The following EIF4A3 variants were observed in gnomAD, a reference collection of about 807,000 sequenced individuals.
EIF4A3 encodes the protein eukaryotic initiation factor 4A-III.
A neutral mutation model predicts 55.6 loss-of-function variants in EIF4A3; 1 was observed. The observed-to-expected ratio is 0.02, with a 90% confidence interval of 0.01 to 0.09. The LOEUF (loss-of-function observed/expected upper bound fraction) is 0.09. EIF4A3 is among the 10% of genes least tolerant of loss of function. The pLI, the probability that EIF4A3 is intolerant of heterozygous loss-of-function variation, is 1.00. For missense variants in EIF4A3, 221 were observed against 540.7 expected, an observed-to-expected ratio of 0.41 and a Z score of 5.86; for synonymous variants, 194 against 196.3, an observed-to-expected ratio of 0.99 and a Z score of 0.10.
At chr17:80,144,758 G>C (rs529331582) in intron 1 of EIF4A3, among the ~76,000 whole-genome samples, 1 of 152,280 alleles carries the variant, frequency 6.6e-6, no homozygotes, top group African/African-American at 2.4e-5. Context: ...GTTGCTGACA[G>C]GTCTACAACT....
rs1428547349 is a variant in EIF4A3 at position 80,141,671 on chromosome 17, AAT to A, written c.309+109_309+110del. ...ACTCTGTGTAAAAATTTGCTGAGTC[AAT>A]ACATACTAGAAAATTTTAAATTGTA... On this transcript the variant is annotated intron_variant, in intron 3 of 11. Coordinates refer to ENST00000649764, the MANE Select transcript of EIF4A3 (RefSeq NM_014740.4). 4.5e-6 allele frequency: 5 copies of A among 1,110,908 alleles called. No homozygotes were observed. In the Admixed American group the frequency reaches 6.6e-5, roughly 15 times the overall value. 68.8% of individuals were successfully genotyped at this position (1,110,908 alleles called of 1,614,324 possible).
chr17:80,144,320 C>T (rs1377713147), intron 1 of EIF4A3, 76 bp from the exon 2 acceptor site: 1 of 1,409,810 alleles, frequency 7.1e-7, no homozygotes. Flanking sequence ...TCCTCAGGGG[C>T]AGACATGGTT....
At chr17:80,139,375 G>T in intron 6 of EIF4A3, 1 of 680,330 alleles carries the variant, frequency 1.5e-6, no homozygotes, top group Non-Finnish European at 2.4e-6. Flanking sequence ...AGGGAATCTG[G>T]TTTCCCTTTG....
intron 6 of EIF4A3, 139 bp from the exon 7 acceptor site, chr17:80,139,301 AC>A: frequency 1.8e-6 from 2 of 1,140,808 alleles, no homozygotes; most frequent in Non-Finnish European, 2.4e-6. Context: ...TTTTTACAGC[AC>A]CAGGCCACAT....
In EIF4A3 at chr17:80,138,235, C is replaced by T. The variant is rs368423482; in HGVS notation, c.774G>A (p.Val258=). The part of the protein sequence containing the change: ...LEGIKQFFVA[V]EREEWKFDTL... ...TGTCAAATTTCCACTCTTCCCTCTC[C>T]ACTGCCACGAAAAATTGCTTGATGC... The change falls in exon 8 of 12, where the codon GTG becomes GTA. Residue 258 remains valine, a synonymous_variant. Transcript: ENST00000649764. 4 of 1,613,938 alleles carry T rather than the reference C, an allele frequency of 2.5e-6. No individual in the cohort carries two copies. Among genetic ancestry groups the T allele is most frequent in the African/African-American group, 1.3e-5 (1 of 74,920 alleles).
In EIF4A3 at chr17:80,140,046, C is replaced by G; in HGVS notation, c.467G>C (p.Gly156Ala). The change falls in exon 5 of 12, where the codon GGA becomes GCA. Residue 156 changes from glycine to alanine, a missense_variant. Coordinates refer to ENST00000649764, the MANE Select transcript of EIF4A3 (RefSeq NM_014740.4). ...VGEDIRKLDY[G>A]QHVVAGTPGR... ...TGGAGTGCCCGCGACAACATGCTGTCCGTAATCCAGCTTCCTGATGTCCTC... is the reference window on the plus strand; with the variant it reads ...TGGAGTGCCCGCGACAACATGCTGTGCGTAATCCAGCTTCCTGATGTCCTC... 1.2e-6 allele frequency: 2 copies of G among 1,614,072 alleles called. No homozygotes were observed. The highest frequency in any genetic ancestry group is 1.7e-6 in the Non-Finnish European group (2 of 1,180,014).
At chr17:80,138,936 T>A in intron 7 of EIF4A3, 85 bp downstream of exon 7, 2 of 1,556,312 alleles carry the variant, frequency 1.3e-6, no homozygotes, top group Non-Finnish European at 8.7e-7. Context: ...AGACTCTGGC[T>A]ATAAAAAGTT....
intron 7 of EIF4A3, 23 bp from the exon 8 acceptor site, chr17:80,138,303 G>C: frequency 6.2e-7 from 1 of 1,612,470 alleles, no homozygotes. Flanking sequence ...GACAAATCCT[G>C]TTACATACTC....
In EIF4A3 at chr17:80,134,853, G is replaced by C. The variant is rs1414086492; in HGVS notation, c.*637C>G. Reference sequence around the variant, plus strand: ...AAACTCTTTCCAAAAAAAAAGATTAGAAAAGTGAGTGAAATGGGCCGGGTG... The same window carrying C: ...AAACTCTTTCCAAAAAAAAAGATTACAAAAGTGAGTGAAATGGGCCGGGTG... On this transcript the variant is annotated 3_prime_UTR_variant, in exon 12 of 12. Coordinates refer to ENST00000649764, the MANE Select transcript of EIF4A3 (RefSeq NM_014740.4). Among the ~76,000 whole-genome samples, 1 of 152,028 alleles carries C rather than the reference G, an allele frequency of 6.6e-6. No individual in the cohort carries two copies. Among genetic ancestry groups the C allele is most frequent in the East Asian group, 1.9e-4 (1 of 5,168 alleles).
At position 80,139,763 on chromosome 17, in the gene EIF4A3, A is replaced by AT; in HGVS notation, c.506-14dup. ...CGACGAATCATATCTATAACATGAGATTTTGAAATACTTACGACAAATCAC... is the reference window on the plus strand; with the variant it reads ...CGACGAATCATATCTATAACATGAGATTTTTGAAATACTTACGACAAATCAC... On this transcript the variant is annotated splice_polypyrimidine_tract_variant and intron_variant, in intron 5 of 11. Transcript: ENST00000649764. 1 of 1,610,138 alleles carries AT rather than the reference A, an allele frequency of 6.2e-7. No homozygotes were observed.
intron 2 of EIF4A3, among the ~76,000 whole-genome samples, chr17:80,142,751 A>G (rs2039628482): frequency 6.6e-6 from 1 of 152,150 alleles, no homozygotes; most frequent in Non-Finnish European, 1.5e-5. Flanking sequence ...TATCTTAACA[A>G]AAAAAATGTT....
rs984405213 is a variant in EIF4A3, at chr17:80,145,906, C to G, written c.169+887G>C. On this transcript the variant is annotated intron_variant, in intron 1 of 11. Transcript: ENST00000649764. ...ACTCCATCTCCAAGGCAGCACAATC[C>G]TCTCTTCCCTGAACTGCAGCAAAAG... Among the ~76,000 whole-genome samples, 80 of 152,144 alleles carry G rather than the reference C, an allele frequency of 5.3e-4. 1 individual carries two copies. Among genetic ancestry groups the G allele is most frequent in the Non-Finnish European group, 1.5e-5 (1 of 68,032 alleles).
chr17:80,139,229 C>A, intron 6 of EIF4A3, 67 bp from the exon 7 acceptor site: 1 of 1,586,374 alleles, frequency 6.3e-7, no homozygotes. Context: ...AAGGTGCACG[C>A]CCAGTGTTCC....
intron 4 of EIF4A3, 93 bp from the exon 5 acceptor site, chr17:80,140,233 C>T (rs528708989): frequency 1.3e-5 from 18 of 1,349,448 alleles, no homozygotes; most frequent in Admixed American, 9.0e-5. Flanking sequence ...AGATGATCAC[C>T]GATTATTATT....
Position 80,144,258 on chromosome 17 carries a change from C to G in EIF4A3, c.170-14G>C. 6.2e-7 allele frequency: 1 copy of G among 1,613,604 alleles called. No individual in the cohort carries two copies. The highest frequency in any genetic ancestry group is 8.5e-7 in the Non-Finnish European group (1 of 1,179,740). On this transcript the variant is annotated splice_polypyrimidine_tract_variant and intron_variant, in intron 1 of 11. Coordinates refer to ENST00000649764, the MANE Select transcript of EIF4A3 (RefSeq NM_014740.4). ...GTTTTTCAAAACCTGCAAATAAAAACAAAAAATTAGCCCTCACCACAATGA... is the reference window on the plus strand; with the variant it reads ...GTTTTTCAAAACCTGCAAATAAAAAGAAAAAATTAGCCCTCACCACAATGA...
At chr17:80,144,735 A>T (rs1177163407) in intron 1 of EIF4A3, among the ~76,000 whole-genome samples, 1 of 152,100 alleles carries the variant, frequency 6.6e-6, no homozygotes, top group East Asian at 1.9e-4. Context: ...ACTAGCTAGC[A>T]TTAAGTCTGT....
chr17:80,140,184 C>T (rs1479032721), intron 4 of EIF4A3, 44 bp from the exon 5 acceptor site: 1 of 1,473,560 alleles, frequency 6.8e-7, no homozygotes, highest in South Asian at 1.4e-5. Context: ...GAGAGAGAAA[C>T]ATCCACGTTT....
rs146379937 is a variant in EIF4A3, at chr17:80,134,922, T to C, written c.*568A>G. On this transcript the variant is annotated 3_prime_UTR_variant, in exon 12 of 12. Coordinates refer to ENST00000649764, the MANE Select transcript of EIF4A3 (RefSeq NM_014740.4). ...ATCCCAGCACTTTGGGAGGCCGAGG[T>C]GGGTGGATCACGAGGTCAGGAGATC... Among the ~76,000 whole-genome samples the C allele has an allele frequency of 0.024, 3,621 of 151,796 alleles. 154 individuals are homozygous for C. The highest frequency in any genetic ancestry group is 0.083 in the African/African-American group (3,437 of 41,382).
Position 80,147,088 on chromosome 17 carries a change from T to TGCCGACCTCGCTGC in EIF4A3, c.-128_-127insGCAGCGAGGTCGGC. The TGCCGACCTCGCTGC allele has an allele frequency of 3.8e-6, 5 of 1,316,534 alleles. No individual in the cohort carries two copies. Among genetic ancestry groups the TGCCGACCTCGCTGC allele is most frequent in the African/African-American group, 1.8e-5 (1 of 56,980 alleles). 81.6% of individuals were successfully genotyped at this position (1,316,534 alleles called of 1,614,324 possible). On this transcript the variant is annotated 5_prime_UTR_variant, in exon 1 of 12. Coordinates refer to ENST00000649764, the MANE Select transcript of EIF4A3 (RefSeq NM_014740.4). The stretch of plus-strand genomic sequence containing the variant: ...CGCTGTGCCGCTGCCGACCTCGCTG[T>TGCCGACCTCGCTGC]GCCGCTGCCGACCTCGCTGTGCCGC...
Sources: gnomAD v4.1 joint callset for allele counts (sites outside exome capture counted in the v4.1 genomes callset) on GRCh38, gnomAD v4.1.1 for gene constraint, MANE v1.5 for transcripts, NCBI Gene and HGNC (gene_info 2026-07-23, HGNC 2026-07-21) for gene names.